Variants in ATP2B2 observed in about 807,000 individuals in gnomAD.
The protein encoded by ATP2B2 is plasma membrane calcium-transporting ATPase 2.
In ATP2B2, 15 loss-of-function variants were observed where a neutral mutation model predicts 120.0. The ratio of observed to expected loss-of-function variants is 0.12; its 90% CI spans 0.08 to 0.19. ATP2B2 has a LOEUF of 0.19. Among genes scored for constraint, ATP2B2 ranks in the 10% least tolerant of loss-of-function variants. The pLI is 1.00. For missense variants in ATP2B2, 1,045 were observed against 1,719.8 expected, an observed-to-expected ratio of 0.61 and a Z score of 6.94; for synonymous variants, 694 against 700.3, an observed-to-expected ratio of 0.99 and a Z score of 0.14.
At chr3:10,567,303 T>C (rs1221992852) in intron 2 of ATP2B2, among the ~76,000 whole-genome samples, 1 of 152,248 alleles carries the variant, frequency 6.6e-6, no homozygotes, top group Non-Finnish European at 1.5e-5. Context: ...GTCTCAGCTC[T>C]ATGACCTCAG....
At chr3:10,634,245 C>T (rs1352868884) in intron 1 of ATP2B2, among the ~76,000 whole-genome samples, 1 of 152,208 alleles carries the variant, frequency 6.6e-6, no homozygotes, top group African/African-American at 2.4e-5. Flanking sequence ...GCAAAGTGCT[C>T]CTAAGTGATG....
intron 1 of ATP2B2, among the ~76,000 whole-genome samples, chr3:10,676,898 A>G (rs1272927979): frequency 6.6e-6 from 1 of 152,244 alleles, no homozygotes; most frequent in African/African-American, 2.4e-5. Flanking sequence ...AAAATCCAGA[A>G]CACTGACAGT....
intron 2 of ATP2B2, among the ~76,000 whole-genome samples, chr3:10,423,000 G>C (rs2063036508): frequency 6.6e-6 from 1 of 152,164 alleles, no homozygotes; most frequent in Non-Finnish European, 1.5e-5. Context: ...TGAGTGGAAG[G>C]TGGTGACCAG....
At position 10,340,130 on chromosome 3, in the gene ATP2B2, A is replaced by C; in HGVS notation, c.3237+112T>G. On this transcript the variant is annotated intron_variant, in intron 21 of 22. Coordinates refer to ENST00000360273, the MANE Select transcript of ATP2B2 (RefSeq NM_001001331.4). This position sits in a 1 kb window ranked among gnomAD's most constrained non-coding sequence, Gnocchi z 5.0. Reference sequence around the variant, plus strand: ...CTTGCTCAGATGTCCAGAGATAGGGAGGAGCTTGCCTGGGGTCTGGCAGCC... The same window carrying C: ...CTTGCTCAGATGTCCAGAGATAGGGCGGAGCTTGCCTGGGGTCTGGCAGCC... 4.1e-6 allele frequency: 4 copies of C among 971,078 alleles called. No individual in the cohort carries two copies. The highest frequency in any genetic ancestry group is 6.4e-6 in the Non-Finnish European group (4 of 622,092). 60.2% of individuals were successfully genotyped at this position (971,078 alleles called of 1,614,324 possible).
intron 2 of ATP2B2, among the ~76,000 whole-genome samples, chr3:10,423,990 C>T (rs1195620219): frequency 2.6e-5 from 4 of 152,196 alleles, no homozygotes; most frequent in South Asian, 2.1e-4. Flanking sequence ...CGCAGTGCAT[C>T]GACAGCAGTG....
intron 1 of ATP2B2, among the ~76,000 whole-genome samples, chr3:10,658,955 A>G (rs1373644296): frequency 6.6e-6 from 1 of 152,202 alleles, no homozygotes; most frequent in Non-Finnish European, 1.5e-5. Flanking sequence ...TTCTTAAAGA[A>G]AAGAATTTTC....
chr3:10,646,388 T>C (rs2070321617), intron 1 of ATP2B2, among the ~76,000 whole-genome samples: 1 of 152,106 alleles, frequency 6.6e-6, no homozygotes, highest in African/African-American at 2.4e-5. Flanking sequence ...GAGACCCAGC[T>C]CAAGTCCTTC....
intron 1 of ATP2B2, among the ~76,000 whole-genome samples, chr3:10,666,496 C>T (rs1055214301): frequency 5.3e-5 from 8 of 152,196 alleles, no homozygotes; most frequent in African/African-American, 1.2e-4. Flanking sequence ...CACCAATGCC[C>T]AACCAATCCC....
chr3:10,363,834 T>C (rs1009072222), intron 12 of ATP2B2, among the ~76,000 whole-genome samples: 2 of 152,144 alleles, frequency 1.3e-5, no homozygotes, highest in African/African-American at 4.8e-5. Context: ...CCTCAAAAAA[T>C]TAAACATGAA....
intron 11 of ATP2B2, 45 bp from the exon 12 acceptor site, chr3:10,372,096 T>G: frequency 1.9e-6 from 3 of 1,613,772 alleles, no homozygotes; most frequent in South Asian, 2.2e-5. Flanking sequence ...GGAGAGGGGC[T>G]GGGGAGCATG....
Position 10,326,732 on chromosome 3 carries a change from G to A in ATP2B2, c.*2082C>T, listed in dbSNP as rs1339542286. ...TACTTCTTCACGACATTCAGGTGATGCGCTCTTGAAGGTCCTCCTTCCAGG... is the reference window on the plus strand; with the variant it reads ...TACTTCTTCACGACATTCAGGTGATACGCTCTTGAAGGTCCTCCTTCCAGG... On this transcript the variant is annotated 3_prime_UTR_variant, in exon 23 of 23. Transcript: ENST00000360273. 5 of 399,030 alleles carry A rather than the reference G, an allele frequency of 1.3e-5. No individual in the cohort carries two copies. In the Admixed American group the frequency reaches 1.8e-4, roughly 14 times the overall value. 24.7% of individuals were successfully genotyped at this position (399,030 alleles called of 1,614,324 possible).
chr3:10,622,733 G>A (rs1428474915), intron 1 of ATP2B2, among the ~76,000 whole-genome samples: 1 of 152,214 alleles, frequency 6.6e-6, no homozygotes, highest in Non-Finnish European at 1.5e-5. Flanking sequence ...CATGGCCTGG[G>A]GGCCTTGCAG....
intron 1 of ATP2B2, among the ~76,000 whole-genome samples, chr3:10,624,100 A>G (rs1331814531): frequency 6.6e-6 from 1 of 152,202 alleles, no homozygotes; most frequent in Non-Finnish European, 1.5e-5. Context: ...TAAGGCTCTG[A>G]TAAGTCCTGC....
At chr3:10,382,943 T>C (rs958759107) in intron 8 of ATP2B2, among the ~76,000 whole-genome samples, 4 of 151,986 alleles carry the variant, frequency 2.6e-5, no homozygotes, top group African/African-American at 9.7e-5. Flanking sequence ...GGTTCCACCT[T>C]GTGCCTCTCC....
At chr3:10,569,740 C>A (rs778868770) in intron 2 of ATP2B2, among the ~76,000 whole-genome samples, 1 of 152,018 alleles carries the variant, frequency 6.6e-6, no homozygotes, top group African/African-American at 2.4e-5. Flanking sequence ...GGAGGTGAGG[C>A]AAGTCCCGAA....
intron 2 of ATP2B2, among the ~76,000 whole-genome samples, chr3:10,563,642 C>G (rs1353409342): frequency 2.0e-5 from 3 of 152,244 alleles, no homozygotes; most frequent in Non-Finnish European, 4.4e-5. Context: ...CAGGGCAAGA[C>G]TGGGGCTGAT....
At chr3:10,509,220 C>T (rs1246128891), upstream of ATP2B2, among the ~76,000 whole-genome samples, 3 of 152,130 alleles carry the variant, frequency 2.0e-5, no homozygotes, top group Admixed American at 1.3e-4. Context: ...AATTAGAGGC[C>T]AGCTGTGTCT....
chr3:10,526,272 T>G (rs2067089490), intron 3 of ATP2B2, among the ~76,000 whole-genome samples: 3 of 152,102 alleles, frequency 2.0e-5, no homozygotes, highest in Admixed American at 2.0e-4. Flanking sequence ...GCAAAGACGG[T>G]GTGTACCGGC....
At chr3:10,526,845 A>C (rs1489843101) in intron 3 of ATP2B2, among the ~76,000 whole-genome samples, 1 of 152,132 alleles carries the variant, frequency 6.6e-6, no homozygotes, top group Non-Finnish European at 1.5e-5. Context: ...TAACAATAAT[A>C]GTAACCATGA....
Sources: gnomAD v4.1 joint callset for allele counts (sites outside exome capture counted in the v4.1 genomes callset) on GRCh38, gnomAD v4.1.1 for gene constraint, Gnocchi (gnomAD v3.1) non-coding constraint, MANE v1.5 for transcripts, NCBI Gene and HGNC (gene_info 2026-07-23, HGNC 2026-07-21) for gene names.